Variants in ROBO2 observed in about 807,000 individuals in gnomAD.
ROBO2 encodes the protein roundabout homolog 2.
A neutral mutation model predicts 160.8 loss-of-function variants in ROBO2; 53 were observed. That is an observed-to-expected ratio of 0.33 (90% CI 0.26 to 0.41). ROBO2 has a LOEUF of 0.41. Ranked by LOEUF, ROBO2 falls within the 10% of genes least tolerant of loss-of-function variation. The pLI is 1.00. For missense variants in ROBO2, 1,577 were observed against 1,722.4 expected (o/e 0.92, Z 1.49); for synonymous variants, 664 against 611.7 (o/e 1.09, Z -1.26).
intron 2 of ROBO2, among the ~76,000 whole-genome samples, chr3:76,433,550 C>G (rs947093996): frequency 6.6e-5 from 10 of 152,120 alleles, no homozygotes; most frequent in Non-Finnish European, 1.0e-4. Context: ...TAAACCTATA[C>G]TTAAAACAAT....
At chr3:76,945,406 G>A (rs1458340592) in intron 2 of ROBO2, among the ~76,000 whole-genome samples, 1 of 151,838 alleles carries the variant, frequency 6.6e-6, no homozygotes, top group Non-Finnish European at 1.5e-5. Context: ...AAAATTTAGG[G>A]CATTTGTTAG....
chr3:77,469,487 G>C (rs1224359303), intron 2 of ROBO2, among the ~76,000 whole-genome samples: 1 of 152,114 alleles, frequency 6.6e-6, no homozygotes, highest in Non-Finnish European at 1.5e-5. Flanking sequence ...GGTGGCAGTG[G>C]TGTTGGTAGG....
intron 2 of ROBO2, among the ~76,000 whole-genome samples, chr3:76,018,043 A>C (rs2107648164): frequency 6.6e-6 from 1 of 152,210 alleles, no homozygotes; most frequent in East Asian, 1.9e-4. Flanking sequence ...CTTTAGGGTA[A>C]CGTATAACAG....
At chr3:76,130,915 A>G (rs573748013) in intron 2 of ROBO2, among the ~76,000 whole-genome samples, 1 of 152,276 alleles carries the variant, frequency 6.6e-6, no homozygotes, top group African/African-American at 2.4e-5. Context: ...TTGTGAAGAC[A>G]TCCTGTATTA....
intron 2 of ROBO2, among the ~76,000 whole-genome samples, chr3:76,696,795 T>C (rs1006591934): frequency 6.6e-6 from 1 of 152,172 alleles, no homozygotes; most frequent in Non-Finnish European, 1.5e-5. Flanking sequence ...CGATTTCCAC[T>C]TTGCACCACA....
chr3:77,472,856 G>A (rs2083495662), intron 2 of ROBO2, among the ~76,000 whole-genome samples: 1 of 152,120 alleles, frequency 6.6e-6, no homozygotes, highest in African/African-American at 2.4e-5. Flanking sequence ...TTGAGAGAAG[G>A]GAACCCTTGT....
chr3:76,938,818 A>C (rs2077935052), intron 2 of ROBO2, among the ~76,000 whole-genome samples: 1 of 152,078 alleles, frequency 6.6e-6, no homozygotes, highest in Admixed American at 6.5e-5. Flanking sequence ...AAAAACACAA[A>C]AAATTAGCCG....
chr3:77,163,188 A>T (rs1447283926), intron 2 of ROBO2, among the ~76,000 whole-genome samples: 1 of 152,160 alleles, frequency 6.6e-6, no homozygotes, highest in Non-Finnish European at 1.5e-5. Flanking sequence ...ATTTTGCTTC[A>T]TTTGAATTCT....
chr3:77,645,997 T>A, intron 25 of ROBO2, 57 bp from the exon 28 acceptor site: 1 of 1,315,996 alleles, frequency 7.6e-7, no homozygotes, highest in Non-Finnish European at 1.1e-6. Flanking sequence ...GTTATGCTGG[T>A]CAGAAAAGCA....
chr3:77,447,741 A>G (rs942187618), intron 2 of ROBO2, among the ~76,000 whole-genome samples: 50 of 152,124 alleles, frequency 3.3e-4, no homozygotes, highest in Non-Finnish European at 1.5e-4. Context: ...ATCAACGTTG[A>G]CTAATTAAAA....
At chr3:76,568,390 C>T (rs1351535846) in intron 2 of ROBO2, among the ~76,000 whole-genome samples, 2 of 151,902 alleles carry the variant, frequency 1.3e-5, no homozygotes, top group South Asian at 2.1e-4. Context: ...CTCCGCCTCC[C>T]GGGTTCACAC....
At chr3:76,634,440 T>G (rs1048628619) in intron 2 of ROBO2, among the ~76,000 whole-genome samples, 2 of 152,030 alleles carry the variant, frequency 1.3e-5, no homozygotes, top group Admixed American at 6.6e-5. Context: ...TGGTGGCGTG[T>G]ACCTGTAATC....
intron 2 of ROBO2, among the ~76,000 whole-genome samples, chr3:75,994,868 A>G (rs1331338976): frequency 6.6e-6 from 1 of 152,208 alleles, no homozygotes; most frequent in Non-Finnish European, 1.5e-5. Flanking sequence ...AATATGGACA[A>G]TGAAGTCTAG....
intron 2 of ROBO2, among the ~76,000 whole-genome samples, chr3:77,364,278 A>G (rs1248301398): frequency 6.6e-6 from 1 of 151,994 alleles, no homozygotes; most frequent in Non-Finnish European, 1.5e-5. Context: ...GATTTTTAAT[A>G]TTATCTAGTG....
chr3:75,946,717 T>C (rs1047686174), intron 2 of ROBO2, among the ~76,000 whole-genome samples: 3 of 152,040 alleles, frequency 2.0e-5, no homozygotes, highest in Admixed American at 2.0e-4. Flanking sequence ...AAAGAGAGCT[T>C]GATAGTTTCT....
intron 2 of ROBO2, among the ~76,000 whole-genome samples, chr3:76,358,266 C>T (rs2075296658): frequency 6.6e-6 from 1 of 151,986 alleles, no homozygotes; most frequent in African/African-American, 2.4e-5. Context: ...AAAAAGGACA[C>T]CAGCTGTCCT....
chr3:76,996,007 T>G (rs1328319154), intron 2 of ROBO2, among the ~76,000 whole-genome samples: 1 of 152,212 alleles, frequency 6.6e-6, no homozygotes, highest in Non-Finnish European at 1.5e-5. Context: ...TTTGGTGTTT[T>G]AGACATGAAG....
intron 2 of ROBO2, among the ~76,000 whole-genome samples, chr3:76,466,749 G>A (rs542697439): frequency 7.3e-4 from 111 of 151,916 alleles, no homozygotes; most frequent in Middle Eastern, 3.4e-3. Flanking sequence ...ACTGAATTTT[G>A]TACATTCAGA....
chr3:77,005,703 C>T (rs1192204128), intron 2 of ROBO2, among the ~76,000 whole-genome samples: 2 of 152,132 alleles, frequency 1.3e-5, no homozygotes, highest in African/African-American at 4.8e-5. Context: ...GTTGATTCCA[C>T]CATGGTAGTG....
Sources: allele counts gnomAD v4.1 joint callset (sites outside exome capture counted in the v4.1 genomes callset), GRCh38; gene constraint gnomAD v4.1.1; transcripts MANE v1.5; gene names NCBI Gene and HGNC (gene_info 2026-07-23, HGNC 2026-07-21).